Variants in SNRNP40 observed in about 807,000 individuals in gnomAD.
The protein encoded by SNRNP40 is U5 small nuclear ribonucleoprotein 40 kDa protein.
Under a neutral mutation model 45.8 loss-of-function variants are expected in SNRNP40, and 21 were observed. The ratio of observed to expected loss-of-function variants is 0.46; its 90% CI spans 0.32 to 0.66. The LOEUF is 0.66. Ranked by LOEUF, SNRNP40 falls within the 30% of genes least tolerant of loss-of-function variation. The pLI, the probability that SNRNP40 is intolerant of heterozygous loss-of-function variation, is 0.03. For synonymous variants in SNRNP40, 142 were observed against 163.8 expected, an observed-to-expected ratio of 0.87 and a Z score of 1.01; for missense variants, 344 against 439.1, an observed-to-expected ratio of 0.78 and a Z score of 1.94.
intron 4 of SNRNP40, among the ~76,000 whole-genome samples, chr1:31,287,444 C>T (rs1431172131): frequency 1.3e-5 from 2 of 152,152 alleles, no homozygotes; most frequent in African/African-American, 4.8e-5. Flanking sequence ...GACATATACT[C>T]TTTTTCTACT....
chr1:31,282,030 C>G (rs999875180), intron 4 of SNRNP40: 1 of 152,410 alleles, frequency 6.6e-6, no homozygotes, highest in East Asian at 1.9e-4. Flanking sequence ...ACCCGGCAAA[C>G]CCTTAATGAG....
chr1:31,262,413 C>G (rs867106976), intron 8 of SNRNP40, among the ~76,000 whole-genome samples: 2 of 148,968 alleles, frequency 1.3e-5, no homozygotes, highest in African/African-American at 5.0e-5. Context: ...CCCAACTACT[C>G]GGGAGGCTGA....
intron 4 of SNRNP40, among the ~76,000 whole-genome samples, chr1:31,283,709 G>C (rs1015712961): frequency 3.3e-5 from 5 of 152,120 alleles, no homozygotes; most frequent in African/African-American, 1.2e-4. Context: ...GAGTCACCAC[G>C]CTATAATATT....
chr1:31,287,169 T>C (rs1472720101), intron 4 of SNRNP40, among the ~76,000 whole-genome samples: 1 of 152,100 alleles, frequency 6.6e-6, no homozygotes, highest in Non-Finnish European at 1.5e-5. Flanking sequence ...TGCAACCTAG[T>C]AACAAAAATA....
intron 4 of SNRNP40, among the ~76,000 whole-genome samples, chr1:31,286,736 T>G (rs539139568): frequency 8.5e-5 from 13 of 152,292 alleles, no homozygotes; most frequent in African/African-American, 3.1e-4. Flanking sequence ...CCCTGTGTTG[T>G]ATGGATGCCT....
chr1:31,268,299 TTGA>T lies in SNRNP40; in HGVS notation c.859-370_859-368del, dbSNP rs199766422. On this transcript the variant is annotated intron_variant, in intron 7 of 9. Coordinates refer to ENST00000263694, the MANE Select transcript of SNRNP40 (RefSeq NM_004814.3). ...AATAAATTTTGGGTTTTTTTTTTTTTTGAGACAGGGTCTCGCTCTCTTGTCCAA... is the reference window on the plus strand; with the variant it reads ...AATAAATTTTGGGTTTTTTTTTTTTTGACAGGGTCTCGCTCTCTTGTCCAA... Among the ~76,000 whole-genome samples the T allele has an allele frequency of 5.3e-3, 532 of 100,626 alleles. 3 individuals are homozygous for T. The highest frequency in any genetic ancestry group is 0.016 in the Middle Eastern group (3 of 188). The allele number at this position is 100,626 out of a possible 152,430, so 66.0% of individuals were successfully genotyped here. A position where few individuals can be genotyped will look rare whatever the true frequency, so the allele number is the denominator to read the frequency against.
intron 8 of SNRNP40, among the ~76,000 whole-genome samples, chr1:31,264,066 A>G (rs1645879349): frequency 6.6e-6 from 1 of 152,212 alleles, no homozygotes; most frequent in South Asian, 2.1e-4. Context: ...GGTATTTAAA[A>G]TTATTTACAT....
chr1:31,282,595 C>A (rs1646026243), intron 4 of SNRNP40: 2 of 151,538 alleles, frequency 1.3e-5, no homozygotes, highest in South Asian at 4.2e-4. Context: ...ATCTATCTAT[C>A]TATCTATCTA....
intron 7 of SNRNP40, among the ~76,000 whole-genome samples, chr1:31,268,559 T>C (rs761612155): frequency 1.3e-4 from 20 of 152,042 alleles, no homozygotes; most frequent in Non-Finnish European, 2.1e-4. Context: ...TGAGCCACCA[T>C]GCCAGGTCTA....
intron 4 of SNRNP40, among the ~76,000 whole-genome samples, chr1:31,286,135 GGACA>G (rs1222372773): frequency 6.6e-6 from 1 of 151,710 alleles, no homozygotes; most frequent in African/African-American, 2.4e-5. Context: ...CCTTTTCAGT[GGACA>G]GTCAGGCAAT....
At chr1:31,277,630 A>T (rs535011522) in intron 5 of SNRNP40, among the ~76,000 whole-genome samples, 2 of 152,348 alleles carry the variant, frequency 1.3e-5, no homozygotes, top group Non-Finnish European at 2.9e-5. Flanking sequence ...AATTAAAAAA[A>T]TTCCCCGAAA....
At chr1:31,265,075 C>G (rs1301642404) in intron 8 of SNRNP40, among the ~76,000 whole-genome samples, 1 of 152,138 alleles carries the variant, frequency 6.6e-6, no homozygotes, top group African/African-American at 2.4e-5. Context: ...TTGCCAACCC[C>G]CAGCAGGTAG....
rs78734339 is a variant in SNRNP40 at position 31,295,928 on chromosome 1, C to T, written c.141+683G>A. Among the ~76,000 whole-genome samples, 811 of 152,334 alleles carry T rather than the reference C, an allele frequency of 5.3e-3. 7 individuals carry two copies. Among genetic ancestry groups the T allele is most frequent in the African/African-American group, 0.018 (752 of 41,572 alleles). Reference sequence around the variant, plus strand: ...AGATGTGAGGACACTCGTATTTCCTCGTCTGAGCCTAAACAGGACATTAGA... The same window carrying T: ...AGATGTGAGGACACTCGTATTTCCTTGTCTGAGCCTAAACAGGACATTAGA... On this transcript the variant is annotated intron_variant, in intron 1 of 9. Coordinates refer to ENST00000263694, the MANE Select transcript of SNRNP40 (RefSeq NM_004814.3).
intron 8 of SNRNP40, among the ~76,000 whole-genome samples, chr1:31,263,837 A>G (rs1242263054): frequency 2.0e-5 from 3 of 150,058 alleles, no homozygotes; most frequent in African/African-American, 7.4e-5. Flanking sequence ...GAAACTACAG[A>G]GCTGAACCCA....
intron 4 of SNRNP40, among the ~76,000 whole-genome samples, chr1:31,283,527 C>T (rs187186442): frequency 1.2e-4 from 18 of 152,228 alleles, no homozygotes; most frequent in Admixed American, 1.3e-4. Context: ...CACTTGAACC[C>T]GGGGAGTGGA....
chr1:31,279,139 C>T (rs1415390503), intron 5 of SNRNP40, among the ~76,000 whole-genome samples: 1 of 151,900 alleles, frequency 6.6e-6, no homozygotes, highest in African/African-American at 2.4e-5. Flanking sequence ...CAGGGTATTC[C>T]TCTAAGTATT....
At chr1:31,278,669 G>A (rs2148385822) in intron 5 of SNRNP40, among the ~76,000 whole-genome samples, 1 of 152,236 alleles carries the variant, frequency 6.6e-6, no homozygotes, top group African/African-American at 2.4e-5. Flanking sequence ...AAAAGGGATG[G>A]GAAGTTCAAT....
At chr1:31,263,155 G>C (rs1188868469) in intron 8 of SNRNP40, 2 of 151,536 alleles carry the variant, frequency 1.3e-5, no homozygotes, top group East Asian at 3.9e-4. Context: ...TGCAATGCTA[G>C]AATAAATAAA....
intron 4 of SNRNP40, among the ~76,000 whole-genome samples, chr1:31,287,101 T>C (rs1350991510): frequency 2.6e-5 from 4 of 152,198 alleles, no homozygotes; most frequent in East Asian, 1.9e-4. Context: ...AACTCTGACA[T>C]GTAAAAAGCA....
Sources: gnomAD v4.1 joint callset for allele counts (sites outside exome capture counted in the v4.1 genomes callset) on GRCh38, gnomAD v4.1.1 for gene constraint, MANE v1.5 for transcripts, NCBI Gene and HGNC (gene_info 2026-07-23, HGNC 2026-07-21) for gene names.